SORCS2: variants seen among roughly 807,000 people sequenced by gnomAD.
The protein encoded by SORCS2 is sortilin related VPS10 domain containing receptor 2, also known as VPS10 domain-containing receptor SorCS2.
A neutral mutation model predicts 141.6 loss-of-function variants in SORCS2; 100 were observed. The observed-to-expected ratio is 0.71, with a 90% confidence interval of 0.60 to 0.83. The LOEUF is 0.83. Among genes scored for constraint, SORCS2 ranks in the 40% least tolerant of loss-of-function variants. The pLI, the probability that SORCS2 is intolerant of heterozygous loss-of-function variation, is 0.00. For missense variants in SORCS2, 1,646 were observed against 1,560.2 expected (o/e 1.05, Z -0.93); for synonymous variants, 789 against 676.9 (o/e 1.17, Z -2.57).
chr4:7,509,270 C>G (rs1732465571), intron 2 of SORCS2, among the ~76,000 whole-genome samples: 1 of 152,120 alleles, frequency 6.6e-6, no homozygotes, highest in Non-Finnish European at 1.5e-5. Flanking sequence ...GGCCACCTAG[C>G]AGGAACTAGA....
At chr4:7,718,561 G>A (rs761513049) in intron 18 of SORCS2, among the ~76,000 whole-genome samples, 1 of 152,152 alleles carries the variant, frequency 6.6e-6, no homozygotes, top group Non-Finnish European at 1.5e-5. Flanking sequence ...TATTGATTTA[G>A]TTAATTTGGG....
rs1047202629 is a variant in SORCS2 at position 7,723,948 on chromosome 4, G to T, written c.2611+65G>T. On this transcript the variant is annotated intron_variant, in intron 19 of 26. Transcript: ENST00000507866. ...TTGAGAGAGAGAACCTGGCTTTGGGGGAAACACAGGGAAGCCCCCGGGATT... is the reference window on the plus strand; with the variant it reads ...TTGAGAGAGAGAACCTGGCTTTGGGTGAAACACAGGGAAGCCCCCGGGATT... The T allele has an allele frequency of 2.0e-6, 3 of 1,470,224 alleles. No homozygotes were observed. In the Admixed American group the frequency reaches 7.3e-5, roughly 36 times the overall value. The allele number at this position is 1,470,224 out of a possible 1,614,324, so 91.1% of individuals were successfully genotyped here.
chr4:7,736,004 C>G (rs928158329), intron 25 of SORCS2, among the ~76,000 whole-genome samples: 8 of 152,264 alleles, frequency 5.3e-5, no homozygotes, highest in African/African-American at 1.7e-4. Context: ...TGACTCCAGT[C>G]TCTGGGAGCT....
In SORCS2 at chr4:7,268,628, C is replaced by A. The variant is rs374775682; in HGVS notation, c.480+75502C>A. On this transcript the variant is annotated intron_variant, in intron 1 of 26. Coordinates refer to ENST00000507866, the MANE Select transcript of SORCS2 (RefSeq NM_020777.3). The stretch of plus-strand genomic sequence containing the variant: ...TGCAGACAGTAAAGCCCAGGGCAGC[C>A]TGCAGGGCTTTGCACACACGAGTGG... 2.7e-4 allele frequency among the ~76,000 whole-genome samples: 41 copies of A among 152,362 alleles called. 1 individual carries two copies. The highest frequency in any genetic ancestry group is 8.9e-4 in the African/African-American group (37 of 41,592).
intron 1 of SORCS2, among the ~76,000 whole-genome samples, chr4:7,263,213 T>C (rs922922664): frequency 1.8e-4 from 27 of 152,246 alleles, no homozygotes; most frequent in Admixed American, 1.4e-3. Flanking sequence ...TAAATGACGG[T>C]TGTATTAGTA....
intron 2 of SORCS2, among the ~76,000 whole-genome samples, chr4:7,479,898 G>A (rs974854136): frequency 2.0e-5 from 3 of 152,232 alleles, no homozygotes; most frequent in South Asian, 2.1e-4. Context: ...GGGATGCTGC[G>A]ATGCACAAGA....
intron 2 of SORCS2, among the ~76,000 whole-genome samples, chr4:7,520,169 A>G (rs1733234192): frequency 6.6e-6 from 1 of 152,210 alleles, no homozygotes; most frequent in Admixed American, 6.5e-5. Context: ...TGGCTGCAGA[A>G]GTTCCCCGCC....
intron 2 of SORCS2, among the ~76,000 whole-genome samples, chr4:7,460,901 T>C (rs563454009): frequency 1.3e-5 from 2 of 152,286 alleles, no homozygotes; most frequent in East Asian, 1.9e-4. Flanking sequence ...GCTCGCAGCT[T>C]GAATTTTTCA....
chr4:7,564,226 A>G (rs77212893), intron 3 of SORCS2, among the ~76,000 whole-genome samples: 1,645 of 152,292 alleles, frequency 0.011, 21 homozygotes, highest in African/African-American at 0.031. Flanking sequence ...TTGTCCCTCT[A>G]TGAAGTGGAC....
chr4:7,425,170 C>T (rs150372126), intron 2 of SORCS2, among the ~76,000 whole-genome samples: 277 of 152,346 alleles, frequency 1.8e-3, no homozygotes, highest in African/African-American at 6.3e-3. Flanking sequence ...CTAGGAACAG[C>T]ACACCACGCA....
chr4:7,219,920 T>G (rs4689648), intron 1 of SORCS2, among the ~76,000 whole-genome samples: 39,337 of 152,120 alleles, frequency 0.26, 5,445 homozygotes, highest in East Asian at 0.45. Context: ...TTCTGCACCC[T>G]CGTGTTCCAC....
chr4:7,642,779 C>T (rs1720829462), intron 4 of SORCS2, among the ~76,000 whole-genome samples: 1 of 152,238 alleles, frequency 6.6e-6, no homozygotes, highest in East Asian at 1.9e-4. Flanking sequence ...ATATGAGGCT[C>T]CTGGTTACTG....
chr4:7,578,580 G>A (rs11942244), intron 3 of SORCS2, among the ~76,000 whole-genome samples: 8,371 of 152,252 alleles, frequency 0.055, 289 homozygotes, highest in East Asian at 0.12. Context: ...TTGCTCAAGG[G>A]AACGTTTACT....
At chr4:7,579,315 T>C (rs1202791663) in intron 3 of SORCS2, among the ~76,000 whole-genome samples, 3 of 152,218 alleles carry the variant, frequency 2.0e-5, no homozygotes, top group Non-Finnish European at 4.4e-5. Context: ...AGTAGCTGAG[T>C]ACCTACAAAA....
At chr4:7,598,201 T>C (rs1429418112) in intron 3 of SORCS2, among the ~76,000 whole-genome samples, 1 of 152,066 alleles carries the variant, frequency 6.6e-6, no homozygotes, top group Non-Finnish European at 1.5e-5. Flanking sequence ...ACTCCTGACC[T>C]CGTGATCTGC....
At chr4:7,265,865 G>A (rs954895463) in intron 1 of SORCS2, among the ~76,000 whole-genome samples, 1 of 152,146 alleles carries the variant, frequency 6.6e-6, no homozygotes, top group Non-Finnish European at 1.5e-5. Flanking sequence ...TTCCTGCAGA[G>A]GGAGGGGCTG....
intron 1 of SORCS2, among the ~76,000 whole-genome samples, chr4:7,206,697 C>T (rs1045737134): frequency 2.6e-5 from 4 of 152,138 alleles, no homozygotes; most frequent in African/African-American, 9.7e-5. Context: ...CTGGTGACAC[C>T]CACGCCTCCA....
chr4:7,325,844 G>A (rs1379101687), intron 1 of SORCS2, among the ~76,000 whole-genome samples: 1 of 152,098 alleles, frequency 6.6e-6, no homozygotes. Flanking sequence ...AGCATCTGTT[G>A]AGCACCAGAC....
rs558812045 is a variant in SORCS2, at chr4:7,741,252, G to A, written c.*988G>A. ...GGGAGAGGCTGAGGATGGCAGGGCT[G>A]GAAGGGCCATCAGCGTGACCCTCAT... is the stretch of plus-strand genomic sequence containing the variant. On this transcript the variant is annotated 3_prime_UTR_variant, in exon 27 of 27. Coordinates refer to ENST00000507866, the MANE Select transcript of SORCS2 (RefSeq NM_020777.3). The A allele has an allele frequency of 3.0e-5, 12 of 398,948 alleles. No homozygotes were observed. The highest frequency in any genetic ancestry group is 2.5e-4 in the African/African-American group (12 of 48,748). The allele number at this position is 398,948 out of a possible 1,614,324, so 24.7% of individuals were successfully genotyped here. A position where few individuals can be genotyped will look rare whatever the true frequency, so the allele number is the denominator to read the frequency against.
Sources: allele counts gnomAD v4.1 joint callset (sites outside exome capture counted in the v4.1 genomes callset), GRCh38; gene constraint gnomAD v4.1.1; transcripts MANE v1.5; gene names NCBI Gene and HGNC (gene_info 2026-07-23, HGNC 2026-07-21).